SARAF: variants seen among roughly 807,000 people sequenced by gnomAD.
The protein encoded by SARAF is store-operated calcium entry associated regulatory factor, also known as store-operated calcium entry-associated regulatory factor.
Under a neutral mutation model 39.7 loss-of-function variants are expected in SARAF, and 23 were observed. That is an observed-to-expected ratio of 0.58 (90% CI 0.42 to 0.82). The LOEUF (loss-of-function observed/expected upper bound fraction) is 0.82. Ranked by LOEUF, SARAF falls within the 40% of genes least tolerant of loss-of-function variation. The pLI, the probability that SARAF is intolerant of heterozygous loss-of-function variation, is 0.00. For missense variants in SARAF, 384 were observed against 418.5 expected (o/e 0.92, Z 0.72); for synonymous variants, 175 against 168.5 (o/e 1.04, Z -0.30).
upstream of SARAF, chr8:30,083,133 T>TG: frequency 3.9e-6 from 2 of 507,346 alleles, no homozygotes; most frequent in South Asian, 5.3e-5. Context: ...CTGCGGCCCG[T>TG]GGGGCTCAGT....
intron 2 of SARAF, 90 bp from the exon 3 acceptor site, chr8:30,070,149 C>G: frequency 8.3e-7 from 1 of 1,208,784 alleles, no homozygotes; most frequent in Non-Finnish European, 1.2e-6. Context: ...GTGGCTCACA[C>G]CTGTAATCTC....
At chr8:30,074,818 A>AC (rs1801921964) in intron 1 of SARAF, among the ~76,000 whole-genome samples, 1 of 152,114 alleles carries the variant, frequency 6.6e-6, no homozygotes. Context: ...ATTCAATAAA[A>AC]CTGGGTGATG....
chr8:30,065,234 T>C (rs1801656441), intron 5 of SARAF, among the ~76,000 whole-genome samples: 2 of 152,218 alleles, frequency 1.3e-5, no homozygotes, highest in African/African-American at 4.8e-5. Context: ...CACACAAGTG[T>C]ATGCATTTCT....
chr8:30,064,342 A>G (rs1055131694), intron 5 of SARAF, among the ~76,000 whole-genome samples: 1 of 151,874 alleles, frequency 6.6e-6, no homozygotes, highest in African/African-American at 2.4e-5. Context: ...CACTGTGCGC[A>G]CACACACAGG....
chr8:30,066,338 T>C (rs1801693498), intron 4 of SARAF, among the ~76,000 whole-genome samples, 199 bp from the exon 5 acceptor site: 1 of 152,200 alleles, frequency 6.6e-6, no homozygotes, highest in Non-Finnish European at 1.5e-5. Flanking sequence ...GGGGGAAAAG[T>C]GACAGGGAGT....
intron 5 of SARAF, among the ~76,000 whole-genome samples, chr8:30,064,554 TATATA>T (rs1322282587): frequency 1.0e-3 from 17 of 16,552 alleles, no homozygotes; most frequent in African/African-American, 1.7e-3. Context: ...TATATATATA[TATATA>T]TATTTTTTTT....
intron 1 of SARAF, chr8:30,078,189 A>G (rs911702718): frequency 4.9e-6 from 2 of 405,134 alleles, no homozygotes; most frequent in African/African-American, 2.1e-5. Flanking sequence ...GGAAAAAAAA[A>G]AAAAAGAAAG....
chr8:30,064,122 A>C (rs1471792330), intron 5 of SARAF, among the ~76,000 whole-genome samples: 3 of 152,144 alleles, frequency 2.0e-5, no homozygotes, highest in Non-Finnish European at 2.9e-5. Context: ...ACACTCACAC[A>C]TGGTTGCTGG....
At chr8:30,081,940 A>G (rs1802109796) in intron 1 of SARAF, among the ~76,000 whole-genome samples, 1 of 106,578 alleles carries the variant, frequency 9.4e-6, no homozygotes, top group African/African-American at 3.4e-5. Flanking sequence ...TACCATCACT[A>G]AAAAAAACCG....
chr8:30,080,804 G>T (rs1802080623), intron 1 of SARAF, among the ~76,000 whole-genome samples: 1 of 152,180 alleles, frequency 6.6e-6, no homozygotes, highest in African/African-American at 2.4e-5. Context: ...TTTAGTAAAG[G>T]ACTTAATAAA....
At chr8:30,078,082 GC>G (rs1390337735) in intron 1 of SARAF, 1 of 259,736 alleles carries the variant, frequency 3.9e-6, no homozygotes, top group African/African-American at 2.4e-5. Flanking sequence ...AGAGGTTGCA[GC>G]GAGCCGAGAT....
chr8:30,077,733 C>T (rs112745706), intron 1 of SARAF, among the ~76,000 whole-genome samples: 1 of 151,114 alleles, frequency 6.6e-6, no homozygotes, highest in Non-Finnish European at 1.5e-5. Context: ...ACCCAGGAAG[C>T]AGAGGTTGCA....
At chr8:30,069,070 C>T (rs928452553) in intron 3 of SARAF, among the ~76,000 whole-genome samples, 2 of 149,462 alleles carry the variant, frequency 1.3e-5, no homozygotes, top group Admixed American at 6.7e-5. Context: ...GGAGTCAGGG[C>T]AAATGATTAT....
At position 30,075,157 on chromosome 8, in the gene SARAF, G is replaced by A. The variant is rs147711970; in HGVS notation, c.104-1102C>T. On this transcript the variant is annotated intron_variant, in intron 1 of 5. Coordinates refer to ENST00000256255, the MANE Select transcript of SARAF (RefSeq NM_016127.6). ...CTCTACTAAATATACAAAATTAGCC[G>A]GGAGTGGTGGCACATGCCTGTAATC... Among the ~76,000 whole-genome samples the A allele has an allele frequency of 2.9e-3, 443 of 152,146 alleles. 1 individual carries two copies. The highest frequency in any genetic ancestry group is 0.01 in the African/African-American group (420 of 41,498).
At chr8:30,067,179 G>A in intron 3 of SARAF, 1 of 379,836 alleles carries the variant, frequency 2.6e-6, no homozygotes, top group Non-Finnish European at 4.8e-6. Flanking sequence ...CATCTGCCCT[G>A]CTCAATCAGC....
chr8:30,068,670 T>C (rs965114380), intron 3 of SARAF, among the ~76,000 whole-genome samples: 7 of 151,948 alleles, frequency 4.6e-5, no homozygotes, highest in Admixed American at 1.3e-4. Context: ...CTTCTCTTAT[T>C]ATAAAATGGG....
intron 2 of SARAF, among the ~76,000 whole-genome samples, chr8:30,070,755 G>C (rs1051555953): frequency 6.6e-6 from 1 of 152,028 alleles, no homozygotes; most frequent in African/African-American, 2.4e-5. Context: ...AGATGTTAAG[G>C]CTCAAAACAG....
intron 2 of SARAF, chr8:30,073,563 A>T: frequency 4.5e-6 from 1 of 222,226 alleles, no homozygotes; most frequent in Non-Finnish European, 8.9e-6. Context: ...TTCTTTGAGG[A>T]ACGACAGGAA....
chr8:30,080,399 G>A (rs567356006), intron 1 of SARAF, among the ~76,000 whole-genome samples: 2 of 152,302 alleles, frequency 1.3e-5, no homozygotes, highest in East Asian at 3.9e-4. Flanking sequence ...CCAGTCAAAT[G>A]TCACCCTAAC....
Sources: gnomAD v4.1 joint callset for allele counts (sites outside exome capture counted in the v4.1 genomes callset) on GRCh38, gnomAD v4.1.1 for gene constraint, MANE v1.5 for transcripts, NCBI Gene and HGNC (gene_info 2026-07-23, HGNC 2026-07-21) for gene names.